The following KCNC1 variants were observed in gnomAD, a reference collection of about 807,000 sequenced individuals.
The protein encoded by KCNC1 is potassium voltage-gated channel subfamily C member 1.
KCNC1 carries 8 observed loss-of-function variants against 43.4 expected under a neutral mutation model. The observed-to-expected ratio is 0.18, with a 90% CI of 0.11 to 0.33. KCNC1 has a LOEUF of 0.33. KCNC1 is among the 10% of genes least tolerant of loss of function. KCNC1 has a pLI of 1.00. For synonymous variants in KCNC1, 361 were observed against 360.5 expected, an observed-to-expected ratio of 1.00 and a Z score of -0.01; for missense variants, 420 against 836.0, an observed-to-expected ratio of 0.50 and a Z score of 6.14.
chr11:17,763,637 CA>C (rs202058926), intron 1 of KCNC1, among the ~76,000 whole-genome samples: 257 of 13,690 alleles, frequency 0.019, 5 homozygotes, highest in South Asian at 0.063. Flanking sequence ...CACACACACA[CA>C]CCCCCACACC....
At chr11:17,737,905 C>G (rs1050092382) in intron 1 of KCNC1, among the ~76,000 whole-genome samples, 1 of 150,094 alleles carries the variant, frequency 6.7e-6, no homozygotes, top group African/African-American at 2.5e-5. Flanking sequence ...AGGGAGGAGA[C>G]TTGGGGGGAC....
intron 1 of KCNC1, among the ~76,000 whole-genome samples, chr11:17,752,170 C>G (rs56115383): frequency 0.11 from 17,106 of 152,204 alleles, 1,215 homozygotes; most frequent in Non-Finnish European, 0.16. Flanking sequence ...CTTGGTGGAG[C>G]CTGGATGCTT....
At chr11:17,767,891 C>T (rs1477235133) in intron 1 of KCNC1, among the ~76,000 whole-genome samples, 1 of 152,224 alleles carries the variant, frequency 6.6e-6, no homozygotes, top group Admixed American at 6.5e-5. Context: ...AGGAAAGAAT[C>T]TAGACAGGCA....
chr11:17,759,728 C>G (rs761250279), intron 1 of KCNC1, among the ~76,000 whole-genome samples: 3 of 152,080 alleles, frequency 2.0e-5, no homozygotes, highest in Non-Finnish European at 2.9e-5. Flanking sequence ...ATTAAGTTTG[C>G]CATCTTATAC....
rs1169189350 is a variant in KCNC1 at position 17,777,479 on chromosome 11, C to T, written c.1505-1977C>T. On this transcript the variant is annotated intron_variant, in intron 2 of 3. Transcript: ENST00000265969. The surrounding 1 kb of genome is among the most constrained non-coding windows in gnomAD (Gnocchi z 4.3). ...TCTCCATACTGTTTCCCTCCCCTCT[C>T]CCAACACCCTCCTCCCTCAGCCCGG... 3.0e-6 allele frequency: 3 copies of T among 985,944 alleles called. No homozygotes were observed. The highest frequency in any genetic ancestry group is 3.6e-6 in the Non-Finnish European group (3 of 830,048). 61.1% of individuals were successfully genotyped at this position (985,944 alleles called of 1,614,324 possible).
Position 17,753,499 on chromosome 11 carries a change from C to T in KCNC1, c.570+16927C>T, listed in dbSNP as rs530922766. ...CTCTGGCCGGCACTAGGCAGGGTTC[C>T]ATCTGCCAGGGAAGGGACTTGGGTC... On this transcript the variant is annotated intron_variant, in intron 1 of 3. Transcript: ENST00000265969. Among the ~76,000 whole-genome samples the T allele has an allele frequency of 1.3e-3, 194 of 152,360 alleles. 1 individual carries two copies. Among genetic ancestry groups the T allele is most frequent in the African/African-American group, 4.4e-3 (184 of 41,590 alleles).
At chr11:17,737,154 G>A (rs760981427) in intron 1 of KCNC1, among the ~76,000 whole-genome samples, 4 of 152,070 alleles carry the variant, frequency 2.6e-5, no homozygotes, top group Non-Finnish European at 5.9e-5. Flanking sequence ...TGAGGAAGTG[G>A]TCAAGAGGGC....
In KCNC1 at chr11:17,777,865, C is replaced by T. The variant is rs181503576; in HGVS notation, c.1505-1591C>T. 8 of 986,226 alleles carry T rather than the reference C, an allele frequency of 8.1e-6. No homozygotes were observed. The highest frequency in any genetic ancestry group is 1.1e-4 in the East Asian group (1 of 8,800). 61.1% of individuals were successfully genotyped at this position (986,226 alleles called of 1,614,324 possible). A position where few individuals can be genotyped will look rare whatever the true frequency, so the allele number is the denominator to read the frequency against. On this transcript the variant is annotated intron_variant, in intron 2 of 3. Transcript: ENST00000265969. This position sits in a 1 kb window ranked among gnomAD's most constrained non-coding sequence, Gnocchi z 4.3. Reference sequence around the variant, plus strand: ...TCTTTGTAGTGACATGATGTGTACACGGGCGGTAATCCCACCCACGTGCAC... The same window carrying T: ...TCTTTGTAGTGACATGATGTGTACATGGGCGGTAATCCCACCCACGTGCAC...
intron 1 of KCNC1, among the ~76,000 whole-genome samples, chr11:17,762,516 C>T (rs148338573): frequency 3.0e-4 from 46 of 152,358 alleles, no homozygotes; most frequent in African/African-American, 9.6e-4. Context: ...TGACCACAGT[C>T]ACCTGGTTGA....
intron 2 of KCNC1, chr11:17,775,332 C>G: frequency 3.0e-6 from 3 of 985,580 alleles, no homozygotes; most frequent in Non-Finnish European, 3.6e-6. Context: ...GCACCTGCCC[C>G]TCACCTCCAC....
Position 17,777,919 on chromosome 11 carries a change from A to G in KCNC1, c.1505-1537A>G, listed in dbSNP as rs1294356934. On this transcript the variant is annotated intron_variant, in intron 2 of 3. Transcript: ENST00000265969. This position sits in a 1 kb window ranked among gnomAD's most constrained non-coding sequence, Gnocchi z 4.3. ...CAGCGTGTGCACGTGGGGAAGGATC[A>G]CTTCTGCGTGTAGTTACATGATGTG... is the stretch of plus-strand genomic sequence containing the variant. 4.7e-6 allele frequency: 4 copies of G among 845,518 alleles called. No homozygotes were observed. The Admixed American group carries it at 2.5e-4, about 52-fold the overall frequency. 52.4% of individuals were successfully genotyped at this position (845,518 alleles called of 1,614,324 possible).
At chr11:17,756,853 C>A (rs919004281) in intron 1 of KCNC1, among the ~76,000 whole-genome samples, 1 of 152,194 alleles carries the variant, frequency 6.6e-6, no homozygotes, top group African/African-American at 2.4e-5. Flanking sequence ...AGCTTTCTCC[C>A]AGGACTACCT....
Position 17,765,954 on chromosome 11 carries a change from G to A in KCNC1, c.571-5711G>A, listed in dbSNP as rs71484785. On this transcript the variant is annotated intron_variant, in intron 1 of 3. Transcript: ENST00000265969. Reference sequence around the variant, plus strand: ...GGCACAGCCTAGGGTCGGGTAATCCGGGAGATGGCAGCCTGAGCAGAGAGG... The same window carrying A: ...GGCACAGCCTAGGGTCGGGTAATCCAGGAGATGGCAGCCTGAGCAGAGAGG... 8.2e-3 allele frequency: 1,247 copies of A among 152,810 alleles called. 10 individuals are homozygous for A. Among genetic ancestry groups the A allele is most frequent in the Middle Eastern group, 0.053 (16 of 302 alleles). 9.5% of individuals were successfully genotyped at this position (152,810 alleles called of 1,614,324 possible). A position where few individuals can be genotyped will look rare whatever the true frequency, so the allele number is the denominator to read the frequency against.
chr11:17,764,838 A>T (rs1429212900), intron 1 of KCNC1, among the ~76,000 whole-genome samples: 2 of 149,966 alleles, frequency 1.3e-5, no homozygotes, highest in Non-Finnish European at 3.0e-5. Context: ...CGGCCCGCGG[A>T]AGTCCAGATG....
chr11:17,774,837 C>A (rs995135169), intron 2 of KCNC1: 2 of 985,492 alleles, frequency 2.0e-6, no homozygotes, highest in South Asian at 9.4e-5. Flanking sequence ...ACTCACTTCC[C>A]GGTGGTGTTG....
At chr11:17,775,281 T>TCCCAACCC in intron 2 of KCNC1, 1 of 935,852 alleles carries the variant, frequency 1.1e-6, no homozygotes, top group Non-Finnish European at 1.3e-6. Context: ...TCTGAGGGCA[T>TCCCAACCC]CCCTCCCGCC....
chr11:17,743,358 T>A (rs1359563896), intron 1 of KCNC1, among the ~76,000 whole-genome samples: 3 of 151,998 alleles, frequency 2.0e-5, no homozygotes, highest in African/African-American at 7.3e-5. Flanking sequence ...GCCCCAGGTT[T>A]GAATTTCCGT....
At chr11:17,751,403 G>A (rs1194613420) in intron 1 of KCNC1, among the ~76,000 whole-genome samples, 1 of 152,228 alleles carries the variant, frequency 6.6e-6, no homozygotes, top group Non-Finnish European at 1.5e-5. Context: ...GTAAACAAAT[G>A]GCTGAGAAGG....
At chr11:17,768,837 G>A (rs1179022592) in intron 1 of KCNC1, among the ~76,000 whole-genome samples, 1 of 152,264 alleles carries the variant, frequency 6.6e-6, no homozygotes, top group African/African-American at 2.4e-5. Flanking sequence ...TCTCTGGGCT[G>A]TGAACGCCAA....
Sources: allele counts gnomAD v4.1 joint callset (sites outside exome capture counted in the v4.1 genomes callset), GRCh38; gene constraint gnomAD v4.1.1; non-coding constraint Gnocchi (gnomAD v3.1); transcripts MANE v1.5; gene names NCBI Gene and HGNC (gene_info 2026-07-23, HGNC 2026-07-21).